COP1: variants seen among roughly 807,000 people sequenced by gnomAD.
The protein encoded by COP1 is COP1 E3 ubiquitin ligase, also known as E3 ubiquitin-protein ligase COP1.
Under a neutral mutation model 101.3 loss-of-function variants are expected in COP1, and 24 were observed. The observed-to-expected ratio is 0.24, with a 90% CI of 0.17 to 0.33. The LOEUF (loss-of-function observed/expected upper bound fraction) is 0.33, where lower values mean the gene tolerates loss of function less well. Among genes scored for constraint, COP1 ranks in the 10% least tolerant of loss-of-function variants. COP1 has a pLI of 1.00. For missense variants in COP1, 663 were observed against 906.2 expected (o/e 0.73, Z 3.45); for synonymous variants, 347 against 341.9 (o/e 1.01, Z -0.17).
intron 5 of COP1, among the ~76,000 whole-genome samples, chr1:176,156,707 C>T (rs1356906938): frequency 6.6e-6 from 1 of 151,928 alleles, no homozygotes; most frequent in African/African-American, 2.4e-5. Context: ...TAAACATATC[C>T]ATTTCATAAT....
At chr1:176,047,846 G>A (rs1189694749) in intron 11 of COP1, among the ~76,000 whole-genome samples, 1 of 152,128 alleles carries the variant, frequency 6.6e-6, no homozygotes, top group African/African-American at 2.4e-5. Flanking sequence ...AGACCGAGGT[G>A]GGAGGATCCC....
At chr1:176,196,803 G>C (rs938899420) in intron 1 of COP1, among the ~76,000 whole-genome samples, 2 of 151,614 alleles carry the variant, frequency 1.3e-5, no homozygotes, top group African/African-American at 4.9e-5. Context: ...ACTTTGAGAG[G>C]TCAAAGCACG....
intron 11 of COP1, among the ~76,000 whole-genome samples, chr1:176,059,939 G>A (rs576552856): frequency 6.9e-4 from 105 of 152,198 alleles, no homozygotes; most frequent in Non-Finnish European, 1.2e-3. Context: ...CAAGCAATGA[G>A]TTGAAATTTG....
chr1:176,145,341 C>T (rs1298123931), intron 6 of COP1, among the ~76,000 whole-genome samples: 1 of 151,898 alleles, frequency 6.6e-6, no homozygotes, highest in African/African-American at 2.4e-5. Flanking sequence ...AAAAAATCTA[C>T]TGGTATCACA....
intron 3 of COP1, chr1:176,168,699 A>G: frequency 3.0e-6 from 1 of 332,672 alleles, no homozygotes; most frequent in Non-Finnish European, 6.2e-6. Context: ...AGAGGGAAAG[A>G]GAGCATTCAA....
chr1:176,199,748 C>G (rs1700082240), intron 1 of COP1, among the ~76,000 whole-genome samples: 1 of 152,160 alleles, frequency 6.6e-6, no homozygotes, highest in South Asian at 2.1e-4. Flanking sequence ...AAGCAGATCA[C>G]TGGTTGCCAG....
At chr1:176,079,075 T>C (rs1291827648) in intron 11 of COP1, among the ~76,000 whole-genome samples, 2 of 152,108 alleles carry the variant, frequency 1.3e-5, no homozygotes, top group Admixed American at 1.3e-4. Context: ...GGAAAGCAGT[T>C]TGGAGATTTG....
At chr1:176,157,567 G>A (rs1053397307) in intron 5 of COP1, among the ~76,000 whole-genome samples, 19 of 152,136 alleles carry the variant, frequency 1.2e-4, no homozygotes, top group African/African-American at 4.3e-4. Flanking sequence ...GGTTGTCTCA[G>A]TAGTGAGGCA....
At chr1:175,984,231 G>A (rs896270218) in intron 18 of COP1, among the ~76,000 whole-genome samples, 9 of 152,168 alleles carry the variant, frequency 5.9e-5, no homozygotes, top group Admixed American at 3.9e-4. Context: ...TCCAGGGTTG[G>A]CATGCTGCGT....
At chr1:175,993,598 C>T (rs1033741973) in intron 15 of COP1, among the ~76,000 whole-genome samples, 1 of 152,076 alleles carries the variant, frequency 6.6e-6, no homozygotes, top group African/African-American at 2.4e-5. Context: ...GTGAAGAATG[C>T]AGAACCCTCA....
At chr1:175,945,483 T>C (rs1260982334) in intron 19 of COP1, among the ~76,000 whole-genome samples, 1 of 152,262 alleles carries the variant, frequency 6.6e-6, no homozygotes, top group Non-Finnish European at 1.5e-5. Context: ...TATGTTGGAA[T>C]CTTTCCACAT....
intron 8 of COP1, among the ~76,000 whole-genome samples, chr1:176,132,494 T>C (rs1419161079): frequency 6.6e-6 from 1 of 150,744 alleles, no homozygotes; most frequent in Non-Finnish European, 1.5e-5. Flanking sequence ...CAAACCAAGA[T>C]GGGGGTATGT....
chr1:175,986,144 C>T (rs1205400585), intron 18 of COP1, among the ~76,000 whole-genome samples: 11 of 152,204 alleles, frequency 7.2e-5, no homozygotes, highest in Admixed American at 5.9e-4. Context: ...CTCAGCCTCC[C>T]GAGTAGCTGG....
chr1:176,179,931 G>A (rs866277896), intron 2 of COP1, among the ~76,000 whole-genome samples: 121 of 150,990 alleles, frequency 8.0e-4, no homozygotes, highest in Middle Eastern at 7.0e-3. Context: ...TGATTTTTCT[G>A]CATTGCACTT....
chr1:176,102,861 AG>A (rs1425461975), intron 9 of COP1, among the ~76,000 whole-genome samples: 1 of 152,146 alleles, frequency 6.6e-6, no homozygotes, highest in Admixed American at 6.5e-5. Flanking sequence ...GCCCTGGCCC[AG>A]GAATTGACTC....
chr1:176,169,342 G>A (rs1309339438), intron 3 of COP1, among the ~76,000 whole-genome samples: 1 of 152,012 alleles, frequency 6.6e-6, no homozygotes, highest in East Asian at 1.9e-4. Flanking sequence ...TTGATCAATT[G>A]TATACTACTA....
chr1:176,005,438 G>A (rs991813950), intron 15 of COP1, among the ~76,000 whole-genome samples: 8 of 152,008 alleles, frequency 5.3e-5, no homozygotes, highest in Non-Finnish European at 1.0e-4. Context: ...TTTTAATTGT[G>A]ATGTTAGGGT....
At chr1:176,163,970 A>T (rs1262070367) in intron 3 of COP1, 79 bp from the exon 4 acceptor site, 1 of 907,344 alleles carries the variant, frequency 1.1e-6, no homozygotes, top group East Asian at 2.6e-5. Flanking sequence ...CGGTTTAGAT[A>T]GATTCTATTT....
intron 15 of COP1, among the ~76,000 whole-genome samples, chr1:176,021,974 G>A (rs1425512055): frequency 1.3e-5 from 2 of 151,758 alleles, no homozygotes; most frequent in South Asian, 2.1e-4. Flanking sequence ...TTTAATTTTT[G>A]CTTTTCTATC....
Sources: gnomAD v4.1 joint callset for allele counts (sites outside exome capture counted in the v4.1 genomes callset) on GRCh38, gnomAD v4.1.1 for gene constraint, MANE v1.5 for transcripts, NCBI Gene and HGNC (gene_info 2026-07-23, HGNC 2026-07-21) for gene names.